Variants in SYNDIG1 observed in about 807,000 individuals in gnomAD.
The protein encoded by SYNDIG1 is synapse differentiation inducing 1.
SYNDIG1 carries 9 observed loss-of-function variants against 19.4 expected under a neutral mutation model. The ratio of observed to expected loss-of-function variants is 0.46; its 90% CI spans 0.28 to 0.81. The LOEUF (loss-of-function observed/expected upper bound fraction) is 0.81, where lower values mean the gene tolerates loss of function less well. Among genes scored for constraint, SYNDIG1 ranks in the 30% least tolerant of loss-of-function variants. SYNDIG1 has a pLI of 0.12. For missense variants in SYNDIG1, 311 were observed against 343.3 expected (o/e 0.91, Z 0.74); for synonymous variants, 141 against 145.9 (o/e 0.97, Z 0.24).
At chr20:24,597,674 C>T (rs2058617744) in intron 3 of SYNDIG1, among the ~76,000 whole-genome samples, 1 of 152,126 alleles carries the variant, frequency 6.6e-6, no homozygotes. Context: ...GGTTAGAATT[C>T]CGAGGCCTTA....
At chr20:24,477,760 G>C (rs1348534892) in intron 1 of SYNDIG1, among the ~76,000 whole-genome samples, 1 of 152,188 alleles carries the variant, frequency 6.6e-6, no homozygotes, top group Non-Finnish European at 1.5e-5. Flanking sequence ...GTGGAGTAGG[G>C]AGAGCCATGG....
At chr20:24,628,794 T>C (rs919934684) in intron 3 of SYNDIG1, among the ~76,000 whole-genome samples, 1 of 152,110 alleles carries the variant, frequency 6.6e-6, no homozygotes, top group African/African-American at 2.4e-5. Flanking sequence ...CTGTCACCAT[T>C]ATCCGGAGTT....
chr20:24,511,197 A>T (rs1225189555), intron 1 of SYNDIG1, among the ~76,000 whole-genome samples: 1 of 152,158 alleles, frequency 6.6e-6, no homozygotes, highest in Admixed American at 6.5e-5. Flanking sequence ...TAAAATTTTG[A>T]ATGTCAACCT....
intron 3 of SYNDIG1, among the ~76,000 whole-genome samples, chr20:24,608,750 C>T (rs1257878356): frequency 6.6e-6 from 1 of 152,138 alleles, no homozygotes; most frequent in Admixed American, 6.5e-5. Flanking sequence ...CGCCCGATGG[C>T]CGTCAGTAAG....
At chr20:24,485,337 G>A (rs6049724) in intron 1 of SYNDIG1, among the ~76,000 whole-genome samples, 15,764 of 152,224 alleles carry the variant, frequency 0.1, 2,077 homozygotes, top group African/African-American at 0.31. Flanking sequence ...CCATGATGCA[G>A]AATCTGGGAC....
rs552251521 is a variant in SYNDIG1, at chr20:24,663,945, G to A, written c.619-1401G>A. On this transcript the variant is annotated intron_variant, in intron 3 of 3. Coordinates refer to ENST00000376862, the MANE Select transcript of SYNDIG1 (RefSeq NM_024893.3). ...GAGCACTGCTGCATGAAACAGACTT[G>A]GCTCACCACGACTTCATTCATTCAT... Among the ~76,000 whole-genome samples the A allele has an allele frequency of 1.3e-4, 20 of 152,184 alleles. No individual in the cohort carries two copies. In the Middle Eastern group the frequency reaches 0.01, roughly 78 times the overall value.
At chr20:24,596,105 T>G (rs2058590456) in intron 3 of SYNDIG1, among the ~76,000 whole-genome samples, 1 of 152,182 alleles carries the variant, frequency 6.6e-6, no homozygotes, top group East Asian at 1.9e-4. Flanking sequence ...CACCATAAGC[T>G]TCCCTCTTTG....
intron 1 of SYNDIG1, among the ~76,000 whole-genome samples, chr20:24,514,542 T>C (rs1225936345): frequency 6.6e-6 from 1 of 152,162 alleles, no homozygotes. Context: ...CATTACATAA[T>C]GGTAAAGGGA....
chr20:24,569,566 A>G (rs1260223331), intron 2 of SYNDIG1, among the ~76,000 whole-genome samples: 1 of 152,186 alleles, frequency 6.6e-6, no homozygotes, highest in Admixed American at 6.5e-5. Flanking sequence ...TCCAAATCTC[A>G]TGCTTTTTCT....
At chr20:24,577,820 GA>G (rs2058254672) in intron 2 of SYNDIG1, among the ~76,000 whole-genome samples, 1 of 152,228 alleles carries the variant, frequency 6.6e-6, no homozygotes, top group African/African-American at 2.4e-5. Context: ...AAATGATGGT[GA>G]AGATGTATGC....
chr20:24,545,016 C>G (rs1312372089), intron 2 of SYNDIG1, among the ~76,000 whole-genome samples: 1 of 152,046 alleles, frequency 6.6e-6, no homozygotes, highest in Admixed American at 6.5e-5. Context: ...AGAATCAGAC[C>G]CACAACCATG....
At chr20:24,660,534 C>T (rs2059573329) in intron 3 of SYNDIG1, among the ~76,000 whole-genome samples, 2 of 152,242 alleles carry the variant, frequency 1.3e-5, no homozygotes, top group Non-Finnish European at 2.9e-5. Flanking sequence ...CTCCTCCCCA[C>T]TCGTCAGCCA....
intron 1 of SYNDIG1, among the ~76,000 whole-genome samples, chr20:24,486,627 T>C (rs1189341848): frequency 1.3e-5 from 2 of 151,762 alleles, no homozygotes; most frequent in Non-Finnish European, 2.9e-5. Context: ...TTTCTTTTTT[T>C]TCTTTCTTTC....
chr20:24,472,050 T>C (rs1320355311), intron 1 of SYNDIG1, among the ~76,000 whole-genome samples: 1 of 152,152 alleles, frequency 6.6e-6, no homozygotes, highest in Non-Finnish European at 1.5e-5. Flanking sequence ...CCTCTGTATC[T>C]CCAGCTGATG....
intron 1 of SYNDIG1, among the ~76,000 whole-genome samples, chr20:24,476,198 T>C (rs1429161320): frequency 6.6e-6 from 1 of 152,168 alleles, no homozygotes; most frequent in Admixed American, 6.5e-5. Context: ...TTTTCTTATA[T>C]ACTAAACCCA....
At chr20:24,488,028 C>G (rs2056018201) in intron 1 of SYNDIG1, among the ~76,000 whole-genome samples, 1 of 152,204 alleles carries the variant, frequency 6.6e-6, no homozygotes, top group Admixed American at 6.5e-5. Context: ...GCAGCTTCAC[C>G]TGTCAACCCA....
At chr20:24,593,863 G>A (rs915511429) in intron 3 of SYNDIG1, among the ~76,000 whole-genome samples, 1 of 151,506 alleles carries the variant, frequency 6.6e-6, no homozygotes, top group Admixed American at 6.6e-5. Context: ...CGTGTCCTTT[G>A]CCCACTTTTT....
At chr20:24,651,723 G>A (rs914797039) in intron 3 of SYNDIG1, among the ~76,000 whole-genome samples, 39 of 152,308 alleles carry the variant, frequency 2.6e-4, no homozygotes, top group African/African-American at 7.9e-4. Flanking sequence ...CCTTGAATCT[G>A]GGCTGGCCCC....
At chr20:24,507,936 T>C (rs1482157966) in intron 1 of SYNDIG1, among the ~76,000 whole-genome samples, 1 of 152,102 alleles carries the variant, frequency 6.6e-6, no homozygotes, top group African/African-American at 2.4e-5. Flanking sequence ...GCAGGGAAGC[T>C]GCCTTCCTGC....
Sources: allele counts gnomAD v4.1 joint callset (sites outside exome capture counted in the v4.1 genomes callset), GRCh38; gene constraint gnomAD v4.1.1; transcripts MANE v1.5; gene names NCBI Gene and HGNC (gene_info 2026-07-23, HGNC 2026-07-21).